The following GPD2 variants were observed in gnomAD, a reference collection of about 807,000 sequenced individuals.
The protein encoded by GPD2 is glycerol-3-phosphate dehydrogenase, mitochondrial.
A neutral mutation model predicts 82.4 loss-of-function variants in GPD2; 54 were observed. That is an observed-to-expected ratio of 0.66 (90% confidence interval 0.53 to 0.82). The LOEUF (loss-of-function observed/expected upper bound fraction) is 0.82. GPD2 is among the 40% of genes least tolerant of loss of function. The pLI, the probability that GPD2 is intolerant of heterozygous loss-of-function variation, is 0.00. For missense variants in GPD2, 748 were observed against 896.2 expected (o/e 0.83, Z 2.11); for synonymous variants, 288 against 306.1 (o/e 0.94, Z 0.62).
rs531388249 is a variant in GPD2 at position 156,573,527 on chromosome 2, T to A, written c.1767+2235T>A. ...TTCCAAAAATTATGGTCGGAATGAT[T>A]TGAATATGCAGGAACATATTTTATG... is the stretch of plus-strand genomic sequence containing the variant. On this transcript the variant is annotated intron_variant, in intron 13 of 16. Transcript: ENST00000438166. Among the ~76,000 whole-genome samples, 8 of 152,264 alleles carry A rather than the reference T, an allele frequency of 5.3e-5. No individual in the cohort carries two copies. In the South Asian group the frequency reaches 1.4e-3, roughly 28 times the overall value.
chr2:156,510,281 A>T (rs1332718650), intron 3 of GPD2, among the ~76,000 whole-genome samples: 1 of 151,696 alleles, frequency 6.6e-6, no homozygotes, highest in African/African-American at 2.4e-5. Flanking sequence ...TCCCCATTGT[A>T]TATCTACCAT....
At chr2:156,468,470 T>A (rs886117003) in intron 1 of GPD2, among the ~76,000 whole-genome samples, 3 of 152,232 alleles carry the variant, frequency 2.0e-5, no homozygotes, top group Non-Finnish European at 4.4e-5. Flanking sequence ...GAGTGGGTTT[T>A]GCATGCACAG....
At chr2:156,417,884 A>C in the GPD2 span, among the ~76,000 whole-genome samples, 1 of 152,048 alleles carries the variant, frequency 6.6e-6, no homozygotes, top group African/African-American at 2.4e-5. Context: ...ATCTCTAAAA[A>C]TAAAAATAAA....
At chr2:156,493,407 G>C (rs899042733) in intron 2 of GPD2, among the ~76,000 whole-genome samples, 1 of 152,088 alleles carries the variant, frequency 6.6e-6, no homozygotes, top group East Asian at 1.9e-4. Context: ...GGAATTTTTA[G>C]GATAGTTGTT....
chr2:156,436,628 G>A (rs936851847), intron 1 of GPD2, 115 bp downstream of exon 1: 2 of 152,278 alleles, frequency 1.3e-5, no homozygotes, highest in African/African-American at 4.8e-5. Context: ...AGGTGGTGGC[G>A]GGAAACGGGA....
the GPD2 span, among the ~76,000 whole-genome samples, chr2:156,428,319 A>G: frequency 1.3e-5 from 2 of 152,188 alleles, no homozygotes; most frequent in African/African-American, 4.8e-5. Flanking sequence ...CTCATGGTGA[A>G]AAAACTAGAA....
intron 6 of GPD2, among the ~76,000 whole-genome samples, chr2:156,541,846 T>C (rs1686334561): frequency 6.7e-6 from 1 of 148,214 alleles, no homozygotes; most frequent in Non-Finnish European, 1.5e-5. Context: ...TTTTTTTTTT[T>C]GGCTGTGGTC....
At chr2:156,454,912 G>A (rs1050261142) in intron 1 of GPD2, among the ~76,000 whole-genome samples, 1 of 152,128 alleles carries the variant, frequency 6.6e-6, no homozygotes, top group African/African-American at 2.4e-5. Context: ...TGAAGACGTA[G>A]TGGCCAGTTG....
At chr2:156,490,024 A>T (rs1573923127) in intron 2 of GPD2, among the ~76,000 whole-genome samples, 1 of 152,000 alleles carries the variant, frequency 6.6e-6, no homozygotes, top group East Asian at 1.9e-4. Flanking sequence ...CTTCTCCTAG[A>T]ACCTCCAGAT....
Position 156,585,724 on chromosome 2 carries a change from T to C in GPD2, c.*2806T>C, listed in dbSNP as rs1302569388. 2 of 152,492 alleles carry C rather than the reference T, an allele frequency of 1.3e-5. No individual in the cohort carries two copies. Among genetic ancestry groups the C allele is most frequent in the African/African-American group, 2.4e-5 (1 of 41,420 alleles). The allele number at this position is 152,492 out of a possible 1,614,324, so 9.4% of individuals were successfully genotyped here. A position where few individuals can be genotyped will look rare whatever the true frequency, so the allele number is the denominator to read the frequency against. ...AATATACTGTAGGAGTCATCATTGA[T>C]GTTATTTTTCTCTTATGTATCTGTA... On this transcript the variant is annotated 3_prime_UTR_variant, in exon 17 of 17. Coordinates refer to ENST00000438166, the MANE Select transcript of GPD2 (RefSeq NM_000408.5).
chr2:156,582,903 T>A lies in GPD2; in HGVS notation c.2169T>A (p.Ser723Arg). The change falls in exon 17 of 17, where the codon AGT (serine) becomes AGA (arginine). Residue 723 changes from serine to arginine, a missense_variant. Transcript: ENST00000438166. ...GAGTTCCAATTCCAGTGGACCGTAG[T>A]TGTGGAGGATTGTGAGTCTGGGCAG... Reference protein sequence around the residue: ...DRRVPIPVDRSCGGL With the variant: ...DRRVPIPVDRRCGGL The A allele has an allele frequency of 6.2e-7, 1 of 1,612,970 alleles. No individual in the cohort carries two copies. Among genetic ancestry groups the A allele is most frequent in the Non-Finnish European group, 8.5e-7 (1 of 1,179,176 alleles).
intron 2 of GPD2, among the ~76,000 whole-genome samples, chr2:156,480,240 T>C (rs146021966): frequency 1.5e-3 from 221 of 152,150 alleles, no homozygotes; most frequent in African/African-American, 5.1e-3. Flanking sequence ...TTAGAACAAG[T>C]AAACCTTTTT....
At chr2:156,450,835 G>A (rs1375624270) in intron 1 of GPD2, among the ~76,000 whole-genome samples, 1 of 125,936 alleles carries the variant, frequency 7.9e-6, no homozygotes, top group African/African-American at 3.0e-5. Context: ...TGTGTCCCTG[G>A]GTACTTGAGA....
intron 3 of GPD2, among the ~76,000 whole-genome samples, chr2:156,506,882 G>C (rs1684802661): frequency 6.6e-6 from 1 of 152,142 alleles, no homozygotes; most frequent in Non-Finnish European, 1.5e-5. Context: ...AGGACTTCTA[G>C]AAAAAATTTA....
chr2:156,551,247 A>G (rs193292923), intron 8 of GPD2, among the ~76,000 whole-genome samples: 1 of 152,324 alleles, frequency 6.6e-6, no homozygotes, highest in Non-Finnish European at 1.5e-5. Context: ...CTAATCTATC[A>G]AATTAACAAA....
At chr2:156,556,928 A>G (rs945339386) in intron 8 of GPD2, among the ~76,000 whole-genome samples, 8 of 152,226 alleles carry the variant, frequency 5.3e-5, no homozygotes, top group Non-Finnish European at 1.2e-4. Context: ...TACTCCTGAG[A>G]ATTTCTACTG....
chr2:156,401,257 C>T, the GPD2 span, among the ~76,000 whole-genome samples: 48 of 152,324 alleles, frequency 3.2e-4, no homozygotes, highest in African/African-American at 1.1e-3. Flanking sequence ...CTAGAAGACA[C>T]TTACACCCTG....
At chr2:156,548,408 G>A (rs1253762070) in intron 6 of GPD2, among the ~76,000 whole-genome samples, 1 of 152,042 alleles carries the variant, frequency 6.6e-6, no homozygotes, top group African/African-American at 2.4e-5. Context: ...GCATGTTGAG[G>A]TTTAACATAA....
At chr2:156,404,776 C>T in the GPD2 span, among the ~76,000 whole-genome samples, 1 of 149,314 alleles carries the variant, frequency 6.7e-6, no homozygotes, top group African/African-American at 2.5e-5. Context: ...ATCCCTTGAA[C>T]CCAGGAGGCA....
Sources: allele counts gnomAD v4.1 joint callset (sites outside exome capture counted in the v4.1 genomes callset), GRCh38; gene constraint gnomAD v4.1.1; transcripts MANE v1.5; gene names NCBI Gene and HGNC (gene_info 2026-07-23, HGNC 2026-07-21).